The following ATP11B variants were observed in gnomAD, a reference collection of about 807,000 sequenced individuals.
The protein encoded by ATP11B is ATPase phospholipid transporting 11B (putative).
A neutral mutation model predicts 157.8 loss-of-function variants in ATP11B; 81 were observed. The ratio of observed to expected loss-of-function variants is 0.51; its 90% confidence interval spans 0.43 to 0.62. The LOEUF is 0.62. Among genes scored for constraint, ATP11B ranks in the 20% least tolerant of loss-of-function variants. The pLI is 0.00. For synonymous variants in ATP11B, 451 were observed against 469.4 expected, an observed-to-expected ratio of 0.96 and a Z score of 0.51; for missense variants, 1,165 against 1,402.2, an observed-to-expected ratio of 0.83 and a Z score of 2.70.
chr3:182,827,236 A>G (rs1404658538), intron 2 of ATP11B, among the ~76,000 whole-genome samples: 2 of 152,148 alleles, frequency 1.3e-5, no homozygotes, highest in African/African-American at 4.8e-5. Flanking sequence ...AATTTGCAGC[A>G]TATTATTCTG....
At position 182,866,787 on chromosome 3, in the gene ATP11B, G is replaced by C. The variant is rs190395981; in HGVS notation, c.1619+344G>C. On this transcript the variant is annotated intron_variant, in intron 14 of 29. Transcript: ENST00000323116. ...TCCTTAAAAGTATATATATATGTTTGTGTATGTGTATATATATTTATATAT... is the reference window on the plus strand; with the variant it reads ...TCCTTAAAAGTATATATATATGTTTCTGTATGTGTATATATATTTATATAT... 4.0e-3 allele frequency among the ~76,000 whole-genome samples: 590 copies of C among 146,806 alleles called. 2 individuals carry two copies. Among genetic ancestry groups the C allele is most frequent in the African/African-American group, 0.014 (575 of 40,194 alleles).
intron 29 of ATP11B, chr3:182,914,323 A>G: frequency 1.0e-6 from 1 of 990,498 alleles, no homozygotes; most frequent in Non-Finnish European, 1.2e-6. Context: ...TTTTTAAATT[A>G]TACATATACT....
intron 2 of ATP11B, among the ~76,000 whole-genome samples, chr3:182,827,111 C>T (rs1717777279): frequency 6.6e-6 from 1 of 152,060 alleles, no homozygotes; most frequent in South Asian, 2.1e-4. Flanking sequence ...AAAATGATAT[C>T]CCTGGCCTCA....
At chr3:182,912,923 A>G (rs2108596740) in intron 28 of ATP11B, among the ~76,000 whole-genome samples, 2 of 152,282 alleles carry the variant, frequency 1.3e-5, no homozygotes, top group Middle Eastern at 6.8e-3. Flanking sequence ...TTAAAACAAC[A>G]GCCCTTGAAA....
chr3:182,911,250 C>A (rs890589530), intron 28 of ATP11B, among the ~76,000 whole-genome samples: 1 of 109,502 alleles, frequency 9.1e-6, no homozygotes, highest in Admixed American at 9.6e-5. Context: ...TCTTTTCCCC[C>A]CCATCTCCTG....
chr3:182,819,632 TA>T (rs1717202642), intron 1 of ATP11B, among the ~76,000 whole-genome samples: 1 of 152,216 alleles, frequency 6.6e-6, no homozygotes, highest in Non-Finnish European at 1.5e-5. Flanking sequence ...AGTCAATTGA[TA>T]CTATAATGGC....
At chr3:182,880,804 T>C (rs1722371941) in intron 20 of ATP11B, 75 bp from the exon 21 acceptor site, 1 of 850,248 alleles carries the variant, frequency 1.2e-6, no homozygotes, top group African/African-American at 1.7e-5. Flanking sequence ...ACTATAGTCA[T>C]TTCAGATAAA....
intron 28 of ATP11B, among the ~76,000 whole-genome samples, chr3:182,900,924 G>T (rs1044824878): frequency 6.6e-6 from 1 of 151,966 alleles, no homozygotes. Flanking sequence ...GCTCACGCTT[G>T]TAACCCCAGC....
intron 2 of ATP11B, among the ~76,000 whole-genome samples, chr3:182,824,404 A>G (rs1475897768): frequency 6.6e-6 from 1 of 152,222 alleles, no homozygotes; most frequent in Non-Finnish European, 1.5e-5. Context: ...TCTCCAAGCT[A>G]AGAAGCCAAA....
At position 182,884,828 on chromosome 3, in the gene ATP11B, A is replaced by G. The variant is rs754290941; in HGVS notation, c.2585A>G (p.Lys862Arg). 10 of 1,601,368 alleles carry G rather than the reference A, an allele frequency of 6.2e-6. No homozygotes were observed. The highest frequency in any genetic ancestry group is 1.6e-4 in the Middle Eastern group (1 of 6,062). Residue 862 changes from lysine to arginine, a missense_variant, in exon 22 of 30, where the codon AAA becomes AGA. By Grantham distance (26) the Lys-to-Arg change is conservative. Coordinates refer to ENST00000323116, the MANE Select transcript of ATP11B (RefSeq NM_014616.3). Reference protein sequence around the residue: ...YAIARFKFLSKLLFVHGHFYY... With the variant: ...YAIARFKFLSRLLFVHGHFYY... Reference sequence around the variant, plus strand: ...ATAGCCAGATTTAAGTTCCTCTCCAAATTGCTTTTTGTTCATGGTCATTTT... The same window carrying G: ...ATAGCCAGATTTAAGTTCCTCTCCAGATTGCTTTTTGTTCATGGTCATTTT...
chr3:182,827,881 T>G (rs574091712), intron 2 of ATP11B, among the ~76,000 whole-genome samples: 1 of 151,932 alleles, frequency 6.6e-6, no homozygotes, highest in Non-Finnish European at 1.5e-5. Flanking sequence ...ATTGTTGGGT[T>G]TCAGCTTATT....
Position 182,884,870 on chromosome 3 carries a change from C to G in ATP11B, c.2627C>G (p.Ala876Gly). ...GGTCATTTTTATTATATTAGAATAG[C>G]TACCCTTGTACAGTATTTTTTTTAT... ...VHGHFYYIRI[A>G]TLVQYFFYKN... The change falls in exon 22 of 30, where the codon GCT (alanine) becomes GGT (glycine). Residue 876 changes from alanine to glycine, a missense_variant. Transcript: ENST00000323116. The G allele has an allele frequency of 6.6e-7, 1 of 1,519,230 alleles. No individual in the cohort carries two copies. The highest frequency in any genetic ancestry group is 9.1e-7 in the Non-Finnish European group (1 of 1,104,800). 94.1% of individuals were successfully genotyped at this position (1,519,230 alleles called of 1,614,324 possible).
rs1239240689 is a variant in ATP11B, at chr3:182,799,813, G to A, written c.27+6027G>A. ...TGGAGTTTCTCTGTTATAAAATTTA[G>A]TATAAGAAAAACATTCTAGGCCAGG... On this transcript the variant is annotated intron_variant, in intron 1 of 29. Transcript: ENST00000323116. 7.2e-5 allele frequency among the ~76,000 whole-genome samples: 11 copies of A among 152,018 alleles called. No individual in the cohort carries two copies. The East Asian group carries it at 2.1e-3, about 29-fold the overall frequency.
chr3:182,825,152 C>T (rs2108502086), intron 2 of ATP11B, among the ~76,000 whole-genome samples: 2 of 152,324 alleles, frequency 1.3e-5, no homozygotes, highest in Middle Eastern at 3.4e-3. Context: ...TTTGCTCATG[C>T]TGTCCTAGCT....
At chr3:182,839,568 AT>A (rs1187033242) in intron 7 of ATP11B, among the ~76,000 whole-genome samples, 6 of 150,838 alleles carry the variant, frequency 4.0e-5, no homozygotes, top group Non-Finnish European at 7.4e-5. Flanking sequence ...ATTTCTACTG[AT>A]TTTTAATCAT....
In ATP11B at chr3:182,854,503, A is replaced by G. The variant is rs548796922; in HGVS notation, c.852-3375A>G. Among the ~76,000 whole-genome samples the G allele has an allele frequency of 4.0e-5, 6 of 151,764 alleles. No homozygotes were observed. The South Asian group carries it at 1.0e-3, about 26-fold the overall frequency. ...AAAACAAAACAAAACAAAACAAAAA[A>G]TACTTTTAGAAGAAAACTTAGAAAG... On this transcript the variant is annotated intron_variant, in intron 10 of 29. Transcript: ENST00000323116.
Position 182,829,601 on chromosome 3 carries a change from TTTTAGATG to T in ATP11B, c.235-68_235-61del, listed in dbSNP as rs1048463220. Reference sequence around the variant, plus strand: ...AGTATACTCACTGTGTAATGTGAAATTTTAGATGTTAATAGTGTGATGTGCACAATATA... The same window carrying T: ...AGTATACTCACTGTGTAATGTGAAATTTAATAGTGTGATGTGCACAATATA... On this transcript the variant is annotated intron_variant, in intron 3 of 29. Transcript: ENST00000323116. 17 of 1,063,506 alleles carry T rather than the reference TTTTAGATG, an allele frequency of 1.6e-5. No individual in the cohort carries two copies. The African/African-American group carries it at 2.8e-4, about 17-fold the overall frequency. 65.9% of individuals were successfully genotyped at this position (1,063,506 alleles called of 1,614,324 possible). A position where few individuals can be genotyped will look rare whatever the true frequency, so the allele number is the denominator to read the frequency against.
intron 18 of ATP11B, 54 bp downstream of exon 18, chr3:182,872,591 AC>A (rs150222130): frequency 1.4e-6 from 2 of 1,400,036 alleles, no homozygotes; most frequent in East Asian, 2.4e-5. Context: ...AATTTTTGTA[AC>A]CAAGTATTCT....
At chr3:182,876,450 T>C (rs1230650568) in intron 19 of ATP11B, among the ~76,000 whole-genome samples, 1 of 152,206 alleles carries the variant, frequency 6.6e-6, no homozygotes, top group African/African-American at 2.4e-5. Context: ...TAGAGTACAC[T>C]CTTAAAGTGA....
Sources: gnomAD v4.1 joint callset for allele counts (sites outside exome capture counted in the v4.1 genomes callset) on GRCh38, gnomAD v4.1.1 for gene constraint, MANE v1.5 for transcripts, NCBI Gene and HGNC (gene_info 2026-07-23, HGNC 2026-07-21) for gene names.